PCDHGA3: variants seen among roughly 807,000 people sequenced by gnomAD.
PCDHGA3 encodes protocadherin gamma-A3.
PCDHGA3 carries 40 observed loss-of-function variants against 58.5 expected under a neutral mutation model. That is an observed-to-expected ratio of 0.68 (90% CI 0.53 to 0.89). PCDHGA3 has a LOEUF of 0.89. PCDHGA3 is among the 40% of genes least tolerant of loss of function. The pLI, the probability that PCDHGA3 is intolerant of heterozygous loss-of-function variation, is 0.00. For missense variants in PCDHGA3, 1,223 were observed against 1,195.9 expected (o/e 1.02, Z -0.33); for synonymous variants, 530 against 525.7 (o/e 1.01, Z -0.11).
chr5:141,421,885 G>A (rs2096608692), intron 1 of PCDHGA3: 1 of 1,613,574 alleles, frequency 6.2e-7, no homozygotes, highest in African/African-American at 1.3e-5. Context: ...AGATGGAGGC[G>A]ATCCCATCCG....
Position 141,419,699 on chromosome 5 carries a change from C to G in PCDHGA3, c.2424+73242C>G, listed in dbSNP as rs1488905080. ...CTACCACGTGGTGCAGGCCAGTGAG[C>G]CCGGGCTCTTCAGCCTGGGGCTGCG... On this transcript the variant is annotated intron_variant, in intron 1 of 3. Coordinates refer to ENST00000253812, the MANE Select transcript of PCDHGA3 (RefSeq NM_018916.4). The G allele has an allele frequency of 5.6e-6, 9 of 1,612,806 alleles. No homozygotes were observed. The East Asian group carries it at 1.8e-4, about 32-fold the overall frequency.
intron 1 of PCDHGA3, among the ~76,000 whole-genome samples, chr5:141,401,848 T>C (rs1476670200): frequency 6.6e-6 from 1 of 152,230 alleles, no homozygotes; most frequent in Non-Finnish European, 1.5e-5. Flanking sequence ...TACCACTTAC[T>C]TTTAACCTTT....
intron 1 of PCDHGA3, among the ~76,000 whole-genome samples, chr5:141,450,304 T>C (rs759506660): frequency 1.3e-5 from 2 of 151,906 alleles, no homozygotes; most frequent in African/African-American, 2.4e-5. Flanking sequence ...TGAGCCACCA[T>C]GTGTGGCCTA....
intron 1 of PCDHGA3, chr5:141,422,641 A>G (rs557969590): frequency 1.2e-6 from 2 of 1,612,356 alleles, no homozygotes; most frequent in Admixed American, 1.7e-5. Context: ...GGGTGCCTCC[A>G]TCTTCTCAGT....
At chr5:141,413,012 A>T in intron 1 of PCDHGA3, 1 of 657,714 alleles carries the variant, frequency 1.5e-6, no homozygotes, top group Non-Finnish European at 2.5e-6. Context: ...GGCTTCAACT[A>T]CACAAGCCCC....
intron 1 of PCDHGA3, chr5:141,424,621 T>C (rs560809778): frequency 6.6e-6 from 1 of 152,346 alleles, no homozygotes; most frequent in Non-Finnish European, 1.5e-5. Context: ...TAGAGTAGTT[T>C]GTGAATATAT....
At chr5:141,376,472 T>C (rs1561574117) in intron 1 of PCDHGA3, 1 of 1,614,108 alleles carries the variant, frequency 6.2e-7, no homozygotes, top group Non-Finnish European at 8.5e-7. Context: ...AACTCAGGAT[T>C]TACTTGAAAC....
Position 141,491,543 on chromosome 5 carries a change from A to G in PCDHGA3, c.2425-3264A>G. 6.2e-7 allele frequency: 1 copy of G among 1,613,842 alleles called. No individual in the cohort carries two copies. The highest frequency in any genetic ancestry group is 8.5e-7 in the Non-Finnish European group (1 of 1,179,982). ...ATGGAGGTGACGCTGCGGCCCACAG[A>G]CTCGCAGAGCCACTGCTACAGGACG... On this transcript the variant is annotated intron_variant, in intron 1 of 3. Coordinates refer to ENST00000253812, the MANE Select transcript of PCDHGA3 (RefSeq NM_018916.4). The surrounding 1 kb of genome is among the most constrained non-coding windows in gnomAD (Gnocchi z 6.9).
chr5:141,486,361 C>T lies in PCDHGA3; in HGVS notation c.2425-8446C>T. 1.2e-6 allele frequency: 2 copies of T among 1,614,086 alleles called. No individual in the cohort carries two copies. The highest frequency in any genetic ancestry group is 1.7e-6 in the Non-Finnish European group (2 of 1,179,994). On this transcript the variant is annotated intron_variant, in intron 1 of 3. Coordinates refer to ENST00000253812, the MANE Select transcript of PCDHGA3 (RefSeq NM_018916.4). This position sits in a 1 kb window ranked among gnomAD's most constrained non-coding sequence, Gnocchi z 5.0. ...GCATTCCTGACCACTTGCCATTTGCCCTCAAGTCTGCCTTCAGGAACCAGT... is the reference window on the plus strand; with the variant it reads ...GCATTCCTGACCACTTGCCATTTGCTCTCAAGTCTGCCTTCAGGAACCAGT...
At position 141,477,505 on chromosome 5, in the gene PCDHGA3, C is replaced by T. The variant is rs2099412175; in HGVS notation, c.2425-17302C>T. The T allele has an allele frequency of 5.0e-6, 8 of 1,614,126 alleles. No individual in the cohort carries two copies. Among genetic ancestry groups the T allele is most frequent in the Admixed American group, 1.7e-5 (1 of 60,024 alleles). On this transcript the variant is annotated intron_variant, in intron 1 of 3. Transcript: ENST00000253812. This position sits in a 1 kb window ranked among gnomAD's most constrained non-coding sequence, Gnocchi z 4.9. ...CACAATCTTCTCAATCTTCCTACGACGTTTACATTGAAGAAAACAACCTCC... is the reference window on the plus strand; with the variant it reads ...CACAATCTTCTCAATCTTCCTACGATGTTTACATTGAAGAAAACAACCTCC...
intron 1 of PCDHGA3, chr5:141,385,778 T>C (rs2150299874): frequency 6.2e-6 from 1 of 161,798 alleles, no homozygotes; most frequent in East Asian, 1.9e-4. Context: ...TGCCTCCATG[T>C]ACCTCAGCTT....
At chr5:141,356,394 T>C in intron 1 of PCDHGA3, 3 of 1,579,600 alleles carry the variant, frequency 1.9e-6, no homozygotes, top group South Asian at 1.1e-5. Flanking sequence ...AAAAGACCTA[T>C]GGAAATTATT....
chr5:141,355,686 A>G, intron 1 of PCDHGA3: 1 of 1,613,980 alleles, frequency 6.2e-7, no homozygotes, highest in Non-Finnish European at 8.5e-7. Flanking sequence ...ATCCGGATGT[A>G]GGTGTAAACT....
chr5:141,374,511 T>C (rs1235970803), intron 1 of PCDHGA3: 45 of 1,611,794 alleles, frequency 2.8e-5, no homozygotes, highest in Non-Finnish European at 3.7e-5. Context: ...GTGAAAATTC[T>C]CGAAAACGCA....
At chr5:141,408,936 A>T in intron 1 of PCDHGA3, 4 of 1,613,548 alleles carry the variant, frequency 2.5e-6, no homozygotes, top group Non-Finnish European at 1.7e-6. Flanking sequence ...TTCAGCAGAG[A>T]CGAATATAGA....
intron 1 of PCDHGA3, chr5:141,422,115 T>G: frequency 6.2e-7 from 1 of 1,605,004 alleles, no homozygotes; most frequent in Non-Finnish European, 8.5e-7. Context: ...TCCAATTGGA[T>G]TCACAAACTG....
At chr5:141,467,337 G>A (rs1018807977) in intron 1 of PCDHGA3, among the ~76,000 whole-genome samples, 1 of 152,162 alleles carries the variant, frequency 6.6e-6, no homozygotes, top group Admixed American at 6.6e-5. Flanking sequence ...AGAGACGTAA[G>A]CCACTGCCCC....
intron 1 of PCDHGA3, among the ~76,000 whole-genome samples, chr5:141,467,404 C>T (rs1032912609): frequency 1.3e-5 from 2 of 151,864 alleles, no homozygotes; most frequent in African/African-American, 4.8e-5. Context: ...AGTTAGAAAG[C>T]CTTTCCCCAC....
rs370704204 is a variant in PCDHGA3, at chr5:141,389,625, G to A, written c.2424+43168G>A. On this transcript the variant is annotated intron_variant, in intron 1 of 3. Coordinates refer to ENST00000253812, the MANE Select transcript of PCDHGA3 (RefSeq NM_018916.4). The stretch of plus-strand genomic sequence containing the variant: ...CTTCGATATGGTGCCGCACGCTGCA[G>A]AGCCTGGCTACTTGGTGACCAAGGT... 6 of 1,613,020 alleles carry A rather than the reference G, an allele frequency of 3.7e-6. No individual in the cohort carries two copies. The Admixed American group carries it at 5.0e-5, about 13-fold the overall frequency.
Sources: allele counts gnomAD v4.1 joint callset (sites outside exome capture counted in the v4.1 genomes callset), GRCh38; gene constraint gnomAD v4.1.1; non-coding constraint Gnocchi (gnomAD v3.1); transcripts MANE v1.5; gene names NCBI Gene and HGNC (gene_info 2026-07-23, HGNC 2026-07-21).